Variants in HSF5 observed in about 807,000 individuals in gnomAD.
The protein encoded by HSF5 is heat shock factor protein 5.
A neutral mutation model predicts 50.8 loss-of-function variants in HSF5; 5 were observed. The observed-to-expected ratio is 0.10, with a 90% CI of 0.05 to 0.21. HSF5 has a LOEUF of 0.21. Ranked by LOEUF, HSF5 falls within the 10% of genes least tolerant of loss-of-function variation. The pLI is 1.00. For synonymous variants in HSF5, 307 were observed against 307.4 expected (o/e 1.00, Z 0.02); for missense variants, 564 against 762.6 (o/e 0.74, Z 3.07).
At chr17:58,462,160 T>C (rs564421674) in intron 4 of HSF5, among the ~76,000 whole-genome samples, 1 of 152,360 alleles carries the variant, frequency 6.6e-6, no homozygotes, top group East Asian at 1.9e-4. Context: ...TGGATGTACT[T>C]TTGATGAATT....
At chr17:58,428,335 A>G (rs1473329127) in intron 5 of HSF5, among the ~76,000 whole-genome samples, 1 of 152,254 alleles carries the variant, frequency 6.6e-6, no homozygotes, top group Non-Finnish European at 1.5e-5. Flanking sequence ...GAGCTCATGA[A>G]AGGATTAGTC....
At chr17:58,448,431 C>T (rs1974591176) in intron 5 of HSF5, among the ~76,000 whole-genome samples, 1 of 152,006 alleles carries the variant, frequency 6.6e-6, no homozygotes, top group African/African-American at 2.4e-5. Context: ...TCAAAGCATG[C>T]AATAATCAAA....
At position 58,422,558 on chromosome 17, in the gene HSF5, T is replaced by A. The variant is rs878868749; in HGVS notation, c.1721-128A>T. The stretch of plus-strand genomic sequence containing the variant: ...CTGGCTCTAAAATTGTATAGTCCCA[T>A]CAGATTCTCAATTTCGGGATATTCC... On this transcript the variant is annotated intron_variant, in intron 5 of 5. Transcript: ENST00000323777. The A allele has an allele frequency of 4.9e-6, 3 of 612,454 alleles. No individual in the cohort carries two copies. The South Asian group carries it at 7.2e-5, about 15-fold the overall frequency. The allele number at this position is 612,454 out of a possible 1,614,324, so 37.9% of individuals were successfully genotyped here.
intron 5 of HSF5, among the ~76,000 whole-genome samples, chr17:58,431,887 GAC>G (rs1350785663): frequency 6.6e-6 from 1 of 152,150 alleles, no homozygotes; most frequent in African/African-American, 2.4e-5. Context: ...TGTAGACATA[GAC>G]ACAGACACAG....
At chr17:58,470,121 A>C (rs2143792471) in intron 2 of HSF5, among the ~76,000 whole-genome samples, 1 of 152,310 alleles carries the variant, frequency 6.6e-6, no homozygotes, top group East Asian at 1.9e-4. Flanking sequence ...GGCAACTAGA[A>C]CCCCAGTATC....
intron 2 of HSF5, among the ~76,000 whole-genome samples, chr17:58,470,540 T>C (rs1412106727): frequency 6.6e-6 from 1 of 152,092 alleles, no homozygotes; most frequent in Non-Finnish European, 1.5e-5. Flanking sequence ...CAAGTTTAAT[T>C]TGGGTGATGA....
At chr17:58,431,143 T>C (rs936618534) in intron 5 of HSF5, among the ~76,000 whole-genome samples, 3 of 152,230 alleles carry the variant, frequency 2.0e-5, no homozygotes, top group Non-Finnish European at 4.4e-5. Flanking sequence ...ATGTGAAACA[T>C]GCCTTTCACC....
intron 1 of HSF5, among the ~76,000 whole-genome samples, chr17:58,485,495 C>T (rs1466891021): frequency 6.6e-6 from 1 of 151,900 alleles, no homozygotes. Context: ...GCCTGTAATC[C>T]CAGCACTTCC....
At chr17:58,428,078 A>AT (rs943522125) in intron 5 of HSF5, among the ~76,000 whole-genome samples, 12 of 152,150 alleles carry the variant, frequency 7.9e-5, no homozygotes, top group East Asian at 1.9e-4. Context: ...TATTCTTTTG[A>AT]TTTTTTCCTC....
At position 58,484,143 on chromosome 17, in the gene HSF5, T is replaced by C. The variant is rs534126964; in HGVS notation, c.550+3582A>G. Among the ~76,000 whole-genome samples the C allele has an allele frequency of 2.4e-3, 366 of 150,490 alleles. 3 individuals carry two copies. The highest frequency in any genetic ancestry group is 8.5e-3 in the African/African-American group (346 of 40,858). On this transcript the variant is annotated intron_variant, in intron 1 of 5. Coordinates refer to ENST00000323777, the MANE Select transcript of HSF5 (RefSeq NM_001080439.3). ...ACACAATTCCCTAGTGAACCAAACC[T>C]ATGGTATAGACAGTCCACACCTGAC...
At chr17:58,451,385 A>T (rs1180371122) in intron 5 of HSF5, among the ~76,000 whole-genome samples, 1 of 152,200 alleles carries the variant, frequency 6.6e-6, no homozygotes, top group Non-Finnish European at 1.5e-5. Context: ...TACAGAATAT[A>T]TGTTCTTCTC....
chr17:58,432,399 T>G (rs1376437937), intron 5 of HSF5, among the ~76,000 whole-genome samples: 1 of 152,154 alleles, frequency 6.6e-6, no homozygotes, highest in Non-Finnish European at 1.5e-5. Flanking sequence ...TCAGATGGCA[T>G]GGTCAGGAAG....
At chr17:58,438,804 C>G (rs1974460750) in intron 5 of HSF5, among the ~76,000 whole-genome samples, 1 of 151,992 alleles carries the variant, frequency 6.6e-6, no homozygotes, top group Non-Finnish European at 1.5e-5. Flanking sequence ...TTCAATACCC[C>G]AACCTGAAGT....
intron 5 of HSF5, among the ~76,000 whole-genome samples, chr17:58,453,690 G>A (rs897210962): frequency 1.3e-5 from 2 of 152,126 alleles, no homozygotes; most frequent in Non-Finnish European, 2.9e-5. Context: ...GATGCAAGGA[G>A]GGTTCAACAT....
chr17:58,456,709 TA>T (rs1974717343), intron 5 of HSF5, among the ~76,000 whole-genome samples: 1 of 152,108 alleles, frequency 6.6e-6, no homozygotes, highest in South Asian at 2.1e-4. Context: ...AAATTAAAAA[TA>T]AAAATGGTTA....
rs534847813 is a variant in HSF5, at chr17:58,438,174, T to C, written c.1721-15744A>G. Among the ~76,000 whole-genome samples the C allele has an allele frequency of 4.6e-5, 7 of 152,332 alleles. No homozygotes were observed. In the East Asian group the frequency reaches 1.3e-3, roughly 29 times the overall value. On this transcript the variant is annotated intron_variant, in intron 5 of 5. Transcript: ENST00000323777. The stretch of plus-strand genomic sequence containing the variant: ...TATAGATGATGATGATTCTGTAAGA[T>C]TGTACTCTATTTTTACTGTACCATT...
chr17:58,428,496 A>G (rs1057427797), intron 5 of HSF5, among the ~76,000 whole-genome samples: 5 of 152,038 alleles, frequency 3.3e-5, no homozygotes, highest in Non-Finnish European at 5.9e-5. Context: ...TGCCTCTACT[A>G]AAAGTACAAA....
chr17:58,483,163 C>T (rs1975124098), intron 1 of HSF5, among the ~76,000 whole-genome samples: 1 of 152,058 alleles, frequency 6.6e-6, no homozygotes, highest in Admixed American at 6.6e-5. Context: ...CTGCCCTCTT[C>T]GGGGATAAAC....
At chr17:58,454,628 A>G (rs1974685534) in intron 5 of HSF5, among the ~76,000 whole-genome samples, 3 of 152,260 alleles carry the variant, frequency 2.0e-5, no homozygotes, top group Admixed American at 2.0e-4. Flanking sequence ...AAATGAATTT[A>G]GTAAAGTTGC....
Sources: allele counts gnomAD v4.1 joint callset (sites outside exome capture counted in the v4.1 genomes callset), GRCh38; gene constraint gnomAD v4.1.1; transcripts MANE v1.5; gene names NCBI Gene and HGNC (gene_info 2026-07-23, HGNC 2026-07-21).